The following GREB1L variants were observed in gnomAD, a reference collection of about 807,000 sequenced individuals.
GREB1L encodes GREB1-like protein.
Under a neutral mutation model 200.8 loss-of-function variants are expected in GREB1L, and 17 were observed. The ratio of observed to expected loss-of-function variants is 0.08; its 90% CI spans 0.06 to 0.13. GREB1L has a LOEUF of 0.13. Ranked by LOEUF, GREB1L falls within the 10% of genes least tolerant of loss-of-function variation. GREB1L has a pLI of 1.00. For missense variants in GREB1L, 1,657 were observed against 2,367.7 expected, an observed-to-expected ratio of 0.70 and a Z score of 6.23; for synonymous variants, 789 against 893.0, an observed-to-expected ratio of 0.88 and a Z score of 2.08.
intron 1 of GREB1L, among the ~76,000 whole-genome samples, chr18:21,319,350 T>C (rs1598655188): frequency 6.6e-6 from 1 of 152,216 alleles, no homozygotes; most frequent in African/African-American, 2.4e-5. Flanking sequence ...CAATTGTAGA[T>C]CCCAATCATG....
At position 21,514,062 on chromosome 18, in the gene GREB1L, G is replaced by A. The variant is rs537411028; in HGVS notation, c.4901+76G>A. On this transcript the variant is annotated intron_variant, in intron 28 of 32. Coordinates refer to ENST00000424526, the MANE Select transcript of GREB1L (RefSeq NM_001142966.3). Reference sequence around the variant, plus strand: ...ACATTTCTTGACTACAGTTACATACGGAAGTAAGAAAGAGAGAGACAGCTT... The same window carrying A: ...ACATTTCTTGACTACAGTTACATACAGAAGTAAGAAAGAGAGAGACAGCTT... The A allele has an allele frequency of 3.2e-5, 43 of 1,357,266 alleles. No individual in the cohort carries two copies. In the East Asian group the frequency reaches 4.9e-4, roughly 15 times the overall value. 84.1% of individuals were successfully genotyped at this position (1,357,266 alleles called of 1,614,324 possible). A position where few individuals can be genotyped will look rare whatever the true frequency, so the allele number is the denominator to read the frequency against.
At chr18:21,279,700 T>C (rs2038234845) in intron 1 of GREB1L, among the ~76,000 whole-genome samples, 1 of 152,062 alleles carries the variant, frequency 6.6e-6, no homozygotes, top group South Asian at 2.1e-4. Flanking sequence ...GTGCAGTGGT[T>C]TTTCACAGGA....
At chr18:21,346,053 G>A (rs183397605) in intron 1 of GREB1L, among the ~76,000 whole-genome samples, 5 of 152,142 alleles carry the variant, frequency 3.3e-5, no homozygotes, top group East Asian at 1.9e-4. Flanking sequence ...GTAAATACTC[G>A]TTGAATGAGA....
chr18:21,328,761 G>A (rs1338604232), intron 1 of GREB1L, among the ~76,000 whole-genome samples: 1 of 152,036 alleles, frequency 6.6e-6, no homozygotes, highest in Non-Finnish European at 1.5e-5. Flanking sequence ...CACTTAGGGG[G>A]TTGTATGAAT....
At chr18:21,385,604 T>C (rs2040506994) in intron 4 of GREB1L, among the ~76,000 whole-genome samples, 1 of 152,224 alleles carries the variant, frequency 6.6e-6, no homozygotes, top group Non-Finnish European at 1.5e-5. Context: ...ATTTATTCAT[T>C]ATTGACATAA....
At chr18:21,454,644 C>T (rs373899772) in intron 15 of GREB1L, 81 bp downstream of exon 15, 32 of 1,060,352 alleles carry the variant, frequency 3.0e-5, no homozygotes, top group African/African-American at 1.9e-4. Flanking sequence ...TTAATCCAAA[C>T]GTCTAGAGGA....
chr18:21,410,683 ATTT>A (rs2030875450), intron 7 of GREB1L, among the ~76,000 whole-genome samples: 1 of 151,696 alleles, frequency 6.6e-6, no homozygotes, highest in African/African-American at 2.4e-5. Flanking sequence ...AAAGACTGAT[ATTT>A]TACTACATTA....
intron 7 of GREB1L, among the ~76,000 whole-genome samples, chr18:21,431,587 T>C (rs556776394): frequency 6.1e-4 from 93 of 152,318 alleles, no homozygotes; most frequent in South Asian, 1.2e-3. Flanking sequence ...AGAATGTATA[T>C]TCTGCTTTTG....
intron 1 of GREB1L, among the ~76,000 whole-genome samples, chr18:21,249,090 A>G (rs911048858): frequency 1.3e-5 from 2 of 152,198 alleles, no homozygotes; most frequent in African/African-American, 4.8e-5. Flanking sequence ...TGTAGTAAAT[A>G]TCTATGAAAA....
chr18:21,366,230 T>A (rs1160836030), intron 2 of GREB1L, 94 bp downstream of exon 2: 1 of 152,198 alleles, frequency 6.6e-6, no homozygotes, highest in Non-Finnish European at 1.5e-5. Flanking sequence ...CTACTATGTT[T>A]GCTTCTTAAA....
At chr18:21,480,566 A>G (rs1447625628) in intron 17 of GREB1L, among the ~76,000 whole-genome samples, 1 of 152,206 alleles carries the variant, frequency 6.6e-6, no homozygotes, top group Non-Finnish European at 1.5e-5. Context: ...ACAACCTTAT[A>G]CATGTAAGGG....
chr18:21,427,108 C>T (rs531790996), intron 7 of GREB1L, among the ~76,000 whole-genome samples: 5 of 151,828 alleles, frequency 3.3e-5, no homozygotes, highest in African/African-American at 1.2e-4. Flanking sequence ...TACTCTGAAT[C>T]TTTACAATAG....
intron 15 of GREB1L, among the ~76,000 whole-genome samples, chr18:21,462,598 C>T (rs1467226102): frequency 1.3e-5 from 2 of 152,150 alleles, no homozygotes; most frequent in African/African-American, 2.4e-5. Context: ...TACAGGTACA[C>T]ACCACCACAC....
intron 2 of GREB1L, among the ~76,000 whole-genome samples, chr18:21,376,309 G>A (rs1198098989): frequency 6.6e-6 from 1 of 151,388 alleles, no homozygotes; most frequent in Non-Finnish European, 1.5e-5. Flanking sequence ...AGTAGAGACG[G>A]GGTTTTGCAA....
chr18:21,248,865 G>C (rs896822133), intron 1 of GREB1L, among the ~76,000 whole-genome samples: 1 of 152,206 alleles, frequency 6.6e-6, no homozygotes, highest in Admixed American at 6.5e-5. Context: ...ATGTTGGACT[G>C]TGTAGATATA....
At chr18:21,445,273 G>A (rs2034149966) in intron 11 of GREB1L, among the ~76,000 whole-genome samples, 2 of 152,210 alleles carry the variant, frequency 1.3e-5, no homozygotes, top group African/African-American at 2.4e-5. Flanking sequence ...TGGGGAGTTC[G>A]AGACCAGCCT....
intron 1 of GREB1L, among the ~76,000 whole-genome samples, chr18:21,335,526 C>T (rs2039171187): frequency 1.3e-5 from 2 of 152,234 alleles, no homozygotes; most frequent in African/African-American, 2.4e-5. Context: ...CATGTAAAAG[C>T]TCTATCACAC....
intron 11 of GREB1L, among the ~76,000 whole-genome samples, chr18:21,448,156 T>G (rs1012797036): frequency 6.6e-5 from 5 of 76,050 alleles, no homozygotes; most frequent in African/African-American, 1.7e-4. Context: ...AGGGAAACTG[T>G]CTCAAAAAAA....
intron 1 of GREB1L, among the ~76,000 whole-genome samples, chr18:21,335,885 G>C (rs1431393722): frequency 6.6e-6 from 1 of 151,924 alleles, no homozygotes; most frequent in Non-Finnish European, 1.5e-5. Context: ...GGATGGTCTC[G>C]ATCTCCTGAC....
Sources: allele counts gnomAD v4.1 joint callset (sites outside exome capture counted in the v4.1 genomes callset), GRCh38; gene constraint gnomAD v4.1.1; transcripts MANE v1.5; gene names NCBI Gene and HGNC (gene_info 2026-07-23, HGNC 2026-07-21).